Variants in HTT observed in about 807,000 individuals in gnomAD.
The protein encoded by HTT is huntington disease protein.
Under a neutral mutation model 362.3 loss-of-function variants are expected in HTT, and 104 were observed. The observed-to-expected ratio is 0.29, with a 90% confidence interval of 0.24 to 0.34. HTT has a LOEUF of 0.34. Ranked by LOEUF, HTT falls within the 10% of genes least tolerant of loss-of-function variation. The pLI is 1.00. For missense variants in HTT, 3,301 were observed against 3,928.6 expected, an observed-to-expected ratio of 0.84 and a Z score of 4.27; for synonymous variants, 1,577 against 1,548.7, an observed-to-expected ratio of 1.02 and a Z score of -0.43.
Position 3,074,730 on chromosome 4 carries a change from C to A in HTT, c.-96C>A. 3 of 1,326,608 alleles carry A rather than the reference C, an allele frequency of 2.3e-6. No homozygotes were observed. Among genetic ancestry groups the A allele is most frequent in the Non-Finnish European group, 3.0e-6 (3 of 993,470 alleles). 82.2% of individuals were successfully genotyped at this position (1,326,608 alleles called of 1,614,324 possible). ...ACGGCCGCTCAGGTTCTGCTTTTAC[C>A]TGCGGCCCAGAGCCCCATTCATTGC... On this transcript the variant is annotated 5_prime_UTR_variant, in exon 1 of 67. The change creates a new upstream start codon in the 5' untranslated region. Coordinates refer to ENST00000355072, the MANE Select transcript of HTT (RefSeq NM_001388492.1).
chr4:3,155,718 A>G (rs1330748039), intron 27 of HTT, among the ~76,000 whole-genome samples: 1 of 145,894 alleles, frequency 6.9e-6, no homozygotes, highest in African/African-American at 2.5e-5. Context: ...TGTCTCTACT[A>G]AAAATACCAC....
chr4:3,110,740 A>C (rs1714703828), intron 6 of HTT, among the ~76,000 whole-genome samples: 1 of 152,010 alleles, frequency 6.6e-6, no homozygotes, highest in Admixed American at 6.6e-5. Flanking sequence ...CTATGAATGT[A>C]CTTTTCTTTG....
intron 25 of HTT, 57 bp from the exon 26 acceptor site, chr4:3,147,948 A>G (rs1281725511): frequency 1.8e-5 from 25 of 1,395,730 alleles, no homozygotes; most frequent in Non-Finnish European, 2.5e-5. Context: ...TTCCCCAAGC[A>G]ATTTGTCCTT....
intron 54 of HTT, 143 bp from the exon 55 acceptor site, chr4:3,223,263 G>A (rs906984029): frequency 1.9e-5 from 14 of 732,064 alleles, no homozygotes; most frequent in Non-Finnish European, 2.7e-5. Context: ...CTTGTGCCCC[G>A]TGAGCTCAGC....
chr4:3,198,351 A>G (rs759314640), intron 40 of HTT, among the ~76,000 whole-genome samples: 3 of 150,182 alleles, frequency 2.0e-5, no homozygotes, highest in Non-Finnish European at 3.0e-5. Context: ...CCGCCTCCCA[A>G]ATACCTGGGA....
At chr4:3,210,352 G>A (rs362338) in intron 47 of HTT, among the ~76,000 whole-genome samples, 24,951 of 152,192 alleles carry the variant, frequency 0.16, 2,904 homozygotes, top group African/African-American at 0.33. Context: ...TCAAGGTTGC[G>A]TATTTGCCGT....
At chr4:3,147,903 G>A (rs1716685689) in intron 25 of HTT, 102 bp from the exon 26 acceptor site, 6 of 858,800 alleles carry the variant, frequency 7.0e-6, no homozygotes, top group South Asian at 3.7e-5. Flanking sequence ...CAGATGTCTG[G>A]CCAACTCTCA....
intron 7 of HTT, 109 bp downstream of exon 7, chr4:3,115,554 A>G: frequency 2.2e-6 from 2 of 890,306 alleles, no homozygotes; most frequent in Non-Finnish European, 3.5e-6. Context: ...GCTATTTGGC[A>G]CTGGTTGATT....
At chr4:3,229,741 CCACACACA>C in intron 59 of HTT, 138 bp from the exon 60 acceptor site, 2 of 862,072 alleles carry the variant, frequency 2.3e-6, no homozygotes, top group South Asian at 1.5e-5. Flanking sequence ...CACGCATACA[CCACACACA>C]CACGCACACA....
chr4:3,208,243 G>A (rs182125113), intron 45 of HTT, among the ~76,000 whole-genome samples: 39 of 152,274 alleles, frequency 2.6e-4, no homozygotes, highest in Non-Finnish European at 4.7e-4. Flanking sequence ...AGCAGATGGC[G>A]GGAGATAAAC....
chr4:3,204,171 C>T (rs763706543), intron 42 of HTT, 23 bp downstream of exon 42: 32 of 1,613,466 alleles, frequency 2.0e-5, no homozygotes, highest in Admixed American at 3.3e-5. Context: ...TGCCTGTAAA[C>T]GGGGTTGAGG....
chr4:3,210,063 G>T (rs1373901552), intron 47 of HTT, 114 bp downstream of exon 47: 4 of 1,325,590 alleles, frequency 3.0e-6, no homozygotes, highest in East Asian at 4.8e-5. Context: ...GGGGACTCCA[G>T]TCTGGGCAGG....
At chr4:3,158,027 C>G (rs1356343444) in intron 28 of HTT, among the ~76,000 whole-genome samples, 2 of 148,674 alleles carry the variant, frequency 1.3e-5, no homozygotes, top group African/African-American at 5.0e-5. Context: ...GAGTCTTGCT[C>G]TGTCCCCAGG....
intron 49 of HTT, among the ~76,000 whole-genome samples, chr4:3,213,267 C>G (rs953748212): frequency 2.0e-5 from 3 of 152,318 alleles, no homozygotes; most frequent in African/African-American, 7.2e-5. Context: ...GATAAATACA[C>G]CCTTATTCTG....
chr4:3,131,451 T>C, intron 15 of HTT, 54 bp downstream of exon 15: 25 of 1,506,610 alleles, frequency 1.7e-5, no homozygotes, highest in Non-Finnish European at 2.3e-5. Context: ...GTTTCAGAGG[T>C]CAGCTTGGTG....
Position 3,107,272 on chromosome 4 carries a change from T to G in HTT, c.609-13T>G. On this transcript the variant is annotated splice_polypyrimidine_tract_variant and intron_variant, in intron 5 of 66. Coordinates refer to ENST00000355072, the MANE Select transcript of HTT (RefSeq NM_001388492.1). ...GAGCTGGAAGAATGACTTGCGTTCT[T>G]TTGCATACACAGGCCTTACCTGGTG... The G allele has an allele frequency of 6.2e-7, 1 of 1,610,008 alleles. No homozygotes were observed. The highest frequency in any genetic ancestry group is 8.5e-7 in the Non-Finnish European group (1 of 1,178,464).
chr4:3,096,884 C>T (rs987443492), intron 2 of HTT, among the ~76,000 whole-genome samples: 4 of 152,118 alleles, frequency 2.6e-5, no homozygotes, highest in Non-Finnish European at 4.4e-5. Flanking sequence ...TTTGGGAGGC[C>T]GAGGCAGGTG....
chr4:3,107,803 A>G (rs781563106), intron 6 of HTT, among the ~76,000 whole-genome samples: 2 of 152,236 alleles, frequency 1.3e-5, no homozygotes, highest in African/African-American at 2.4e-5. Context: ...TCCTGCAGCT[A>G]TCAGAGCCTG....
chr4:3,223,603 T>TG, intron 55 of HTT, 43 bp downstream of exon 55: 2 of 1,521,456 alleles, frequency 1.3e-6, no homozygotes, highest in South Asian at 1.2e-5. Context: ...TAGCAGGTGC[T>TG]GGGGACAGTG....
Sources: allele counts gnomAD v4.1 joint callset (sites outside exome capture counted in the v4.1 genomes callset), GRCh38; gene constraint gnomAD v4.1.1; transcripts MANE v1.5; gene names NCBI Gene and HGNC (gene_info 2026-07-23, HGNC 2026-07-21).